Variants in SULT1B1 observed in about 807,000 individuals in gnomAD.
SULT1B1 encodes the protein sulfotransferase 1B1.
In SULT1B1, 28 loss-of-function variants were observed where a neutral mutation model predicts 34.6. The ratio of observed to expected loss-of-function variants is 0.81; its 90% CI spans 0.60 to 1.11. SULT1B1 has a LOEUF of 1.11. Ranked by LOEUF, SULT1B1 falls within the 50% of genes least tolerant of loss-of-function variation. The pLI, the probability that SULT1B1 is intolerant of heterozygous loss-of-function variation, is 0.00. For synonymous variants in SULT1B1, 147 were observed against 110.2 expected (o/e 1.33, Z -2.09); for missense variants, 374 against 352.2 (o/e 1.06, Z -0.50).
chr4:69,760,131 G>T, intron 1 of SULT1B1: 1 of 481,650 alleles, frequency 2.1e-6, no homozygotes, highest in Non-Finnish European at 2.7e-6. Context: ...ATGAATGCAT[G>T]TGAGTAGGAC....
chr4:69,728,229 C>A (rs1253653041), intron 7 of SULT1B1, among the ~76,000 whole-genome samples: 1 of 152,050 alleles, frequency 6.6e-6, no homozygotes, highest in East Asian at 1.9e-4. Context: ...TTCCAGTGAT[C>A]TGATCTGCAT....
chr4:69,736,111 A>G (rs1168641869), intron 4 of SULT1B1, among the ~76,000 whole-genome samples: 2 of 152,192 alleles, frequency 1.3e-5, no homozygotes, highest in Non-Finnish European at 2.9e-5. Context: ...AGTGGAAAGC[A>G]AAACTAGACT....
intron 4 of SULT1B1, among the ~76,000 whole-genome samples, chr4:69,736,999 A>G (rs1462537007): frequency 6.6e-6 from 1 of 151,920 alleles, no homozygotes; most frequent in Admixed American, 6.5e-5. Flanking sequence ...AATATATCTA[A>G]GAAGTTGTGT....
chr4:69,747,248 G>A (rs574357392), intron 4 of SULT1B1, among the ~76,000 whole-genome samples: 1 of 152,204 alleles, frequency 6.6e-6, no homozygotes, highest in Non-Finnish European at 1.5e-5. Flanking sequence ...TTGATCACAG[G>A]GTAGCAGGGG....
In SULT1B1 at chr4:69,725,252, C is replaced by G. The variant is rs1206978989; in HGVS notation, c.*1836G>C. 2 of 151,964 alleles carry G rather than the reference C, an allele frequency of 1.3e-5. No individual in the cohort carries two copies. The highest frequency in any genetic ancestry group is 2.9e-5 in the Non-Finnish European group (2 of 68,020). The allele number at this position is 151,964 out of a possible 1,614,324, so 9.4% of individuals were successfully genotyped here. A position where few individuals can be genotyped will look rare whatever the true frequency, so the allele number is the denominator to read the frequency against. On this transcript the variant is annotated 3_prime_UTR_variant, in exon 8 of 8. Transcript: ENST00000310613. The stretch of plus-strand genomic sequence containing the variant: ...TCTCAAAAGAAGACATTTATGCAGC[C>G]AACAGACACATGAAAAAATGCTCAT...
intron 6 of SULT1B1, 112 bp downstream of exon 6, chr4:69,733,301 G>C: frequency 1.6e-6 from 1 of 632,032 alleles, no homozygotes; most frequent in Non-Finnish European, 2.6e-6. Flanking sequence ...TGGTGGATAG[G>C]CAAAGCAATC....
At chr4:69,747,959 G>C (rs1470597894) in intron 4 of SULT1B1, among the ~76,000 whole-genome samples, 1 of 151,962 alleles carries the variant, frequency 6.6e-6, no homozygotes, top group Non-Finnish European at 1.5e-5. Flanking sequence ...GAGTATGCCA[G>C]CCTGCTTGAT....
intron 7 of SULT1B1, among the ~76,000 whole-genome samples, chr4:69,728,153 C>A (rs538121523): frequency 2.0e-5 from 3 of 151,846 alleles, no homozygotes; most frequent in African/African-American, 7.3e-5. Flanking sequence ...CTAATGCATC[C>A]GTAAGGATGT....
Position 69,755,271 on chromosome 4 carries a change from T to TA in SULT1B1, c.-44-11dup. 1 of 1,571,178 alleles carries TA rather than the reference T, an allele frequency of 6.4e-7. No individual in the cohort carries two copies. The highest frequency in any genetic ancestry group is 8.7e-7 in the Non-Finnish European group (1 of 1,147,578). On this transcript the variant is annotated splice_polypyrimidine_tract_variant and intron_variant, in intron 1 of 7. Transcript: ENST00000310613. ...TAGATTGACAGTTGTTCTGGAGAAATATAGAGAATAAAAATCAGAATCTGA... is the reference window on the plus strand; with the variant it reads ...TAGATTGACAGTTGTTCTGGAGAAATAATAGAGAATAAAAATCAGAATCTGA...
rs552970444 is a variant in SULT1B1, at chr4:69,722,714, T to A, written c.*4374A>T. 6.6e-6 allele frequency: 1 copy of A among 152,228 alleles called. No homozygotes were observed. The highest frequency in any genetic ancestry group is 1.5e-5 in the Non-Finnish European group (1 of 68,008). The allele number at this position is 152,228 out of a possible 1,614,324, so 9.4% of individuals were successfully genotyped here. ...CTTTGCTGGGGTTGGAAAAGAGAAA[T>A]GTTACAGCTTAAGGAGCTATTTTAG... On this transcript the variant is annotated 3_prime_UTR_variant, in exon 8 of 8. Transcript: ENST00000310613.
rs370886660 is a variant in SULT1B1 at position 69,724,307 on chromosome 4, C to G, written c.*2781G>C. ...GAGAATAAAATACCTAGGAATCCAA[C>G]TTACAAGGGATGTGAAGGATCACTT... On this transcript the variant is annotated 3_prime_UTR_variant, in exon 8 of 8. Coordinates refer to ENST00000310613, the MANE Select transcript of SULT1B1 (RefSeq NM_014465.4). The G allele has an allele frequency of 6.6e-6, 1 of 152,220 alleles. No individual in the cohort carries two copies. The highest frequency in any genetic ancestry group is 1.5e-5 in the Non-Finnish European group (1 of 68,060). 9.4% of individuals were successfully genotyped at this position (152,220 alleles called of 1,614,324 possible).
rs1260961033 is a variant in SULT1B1, at chr4:69,727,137, T to C, written c.842A>G (p.Tyr281Cys). 1.9e-6 allele frequency: 3 copies of C among 1,611,852 alleles called. No individual in the cohort carries two copies. Among genetic ancestry groups the C allele is most frequent in the Non-Finnish European group, 2.5e-6 (3 of 1,178,816 alleles). ...TGCAGTTTTGGACATTTCTGTCTCA[T>C]AAATAGCATCAAATTTCTCATTTTG... ...VAQNEKFDAI[Y>C]ETEMSKTALQ... The change falls in exon 8 of 8, where the codon TAT becomes TGT. Residue 281 changes from tyrosine to cysteine, a missense_variant. Physicochemically the swap from Tyr to Cys is radical, Grantham distance 194. Coordinates refer to ENST00000310613, the MANE Select transcript of SULT1B1 (RefSeq NM_014465.4).
chr4:69,731,811 T>C (rs1169185295), intron 6 of SULT1B1, among the ~76,000 whole-genome samples: 1 of 152,184 alleles, frequency 6.6e-6, no homozygotes, highest in Non-Finnish European at 1.5e-5. Flanking sequence ...TGAGTAAGTT[T>C]ATTTGAATAA....
At chr4:69,740,534 C>A (rs1263232536) in intron 4 of SULT1B1, among the ~76,000 whole-genome samples, 1 of 152,180 alleles carries the variant, frequency 6.6e-6, no homozygotes, top group Non-Finnish European at 1.5e-5. Flanking sequence ...AGGATTATTA[C>A]AATTCAAGGT....
In SULT1B1 at chr4:69,725,275, C is replaced by A. The variant is rs1345714665; in HGVS notation, c.*1813G>T. On this transcript the variant is annotated 3_prime_UTR_variant, in exon 8 of 8. Transcript: ENST00000310613. ...GCCAACAGACACATGAAAAAATGCT[C>A]ATCATCACTGGCCATCAGGGAAATG... 1 of 152,108 alleles carries A rather than the reference C, an allele frequency of 6.6e-6. No individual in the cohort carries two copies. The highest frequency in any genetic ancestry group is 1.5e-5 in the Non-Finnish European group (1 of 68,028). The allele number at this position is 152,108 out of a possible 1,614,324, so 9.4% of individuals were successfully genotyped here. A position where few individuals can be genotyped will look rare whatever the true frequency, so the allele number is the denominator to read the frequency against.
intron 4 of SULT1B1, among the ~76,000 whole-genome samples, chr4:69,739,406 C>T (rs1718449783): frequency 1.3e-5 from 2 of 152,226 alleles, no homozygotes; most frequent in South Asian, 2.1e-4. Context: ...AAGCTCAACA[C>T]CATGTGGAAG....
chr4:69,747,396 T>C (rs1718792598), intron 4 of SULT1B1, among the ~76,000 whole-genome samples: 1 of 152,196 alleles, frequency 6.6e-6, no homozygotes. Flanking sequence ...TGACAGCGGC[T>C]GCTGGCAAGT....
intron 3 of SULT1B1, among the ~76,000 whole-genome samples, chr4:69,754,414 T>G (rs1214876598): frequency 1.3e-5 from 2 of 152,212 alleles, no homozygotes; most frequent in East Asian, 3.8e-4. Flanking sequence ...AATAAAAGTC[T>G]TAAAAATATT....
Position 69,721,853 on chromosome 4 carries a change from A to G in SULT1B1, c.*5235T>C, listed in dbSNP as rs1464683217. The G allele has an allele frequency of 6.6e-6, 1 of 152,140 alleles. No homozygotes were observed. The highest frequency in any genetic ancestry group is 1.5e-5 in the Non-Finnish European group (1 of 67,990). The allele number at this position is 152,140 out of a possible 1,614,324, so 9.4% of individuals were successfully genotyped here. Reference sequence around the variant, plus strand: ...ATATCATTGTCAGATATTTGTTATCACTGTCCTTACATCATGGTTCTGTTA... The same window carrying G: ...ATATCATTGTCAGATATTTGTTATCGCTGTCCTTACATCATGGTTCTGTTA... On this transcript the variant is annotated 3_prime_UTR_variant, in exon 8 of 8. Coordinates refer to ENST00000310613, the MANE Select transcript of SULT1B1 (RefSeq NM_014465.4).
Sources: gnomAD v4.1 joint callset for allele counts (sites outside exome capture counted in the v4.1 genomes callset) on GRCh38, gnomAD v4.1.1 for gene constraint, MANE v1.5 for transcripts, NCBI Gene and HGNC (gene_info 2026-07-23, HGNC 2026-07-21) for gene names.